THSD7B: variants seen among roughly 807,000 people sequenced by gnomAD.
The protein encoded by THSD7B is thrombospondin type 1 domain containing 7B, also known as thrombospondin type-1 domain-containing protein 7B.
A neutral mutation model predicts 213.6 loss-of-function variants in THSD7B; 138 were observed. That is an observed-to-expected ratio of 0.65 (90% CI 0.56 to 0.74). The LOEUF is 0.74. Ranked by LOEUF, THSD7B falls within the 30% of genes least tolerant of loss-of-function variation. The pLI is 0.00. For synonymous variants in THSD7B, 742 were observed against 687.0 expected, an observed-to-expected ratio of 1.08 and a Z score of -1.25; for missense variants, 1,931 against 1,991.5, an observed-to-expected ratio of 0.97 and a Z score of 0.58.
At chr2:137,215,783 T>A in intron 7 of THSD7B, among the ~76,000 whole-genome samples, 1 of 152,194 alleles carries the variant, frequency 6.6e-6, no homozygotes, top group Non-Finnish European at 1.5e-5. Context: ...GTGGAAATGT[T>A]TTTTCCAAAT....
At chr2:137,283,265 A>T (rs1036252952) in intron 12 of THSD7B, among the ~76,000 whole-genome samples, 4 of 152,198 alleles carry the variant, frequency 2.6e-5, no homozygotes, top group African/African-American at 9.6e-5. Flanking sequence ...TTGTATCCTG[A>T]GACTGCTGAA....
intron 4 of THSD7B, among the ~76,000 whole-genome samples, chr2:137,112,048 C>G (rs868699607): frequency 2.0e-5 from 3 of 151,996 alleles, no homozygotes; most frequent in Non-Finnish European, 2.9e-5. Flanking sequence ...TTTTCTGGAG[C>G]CTGGAGGACT....
intron 2 of THSD7B, among the ~76,000 whole-genome samples, chr2:136,956,868 CG>C (rs1053861782): frequency 5.3e-5 from 8 of 151,844 alleles, no homozygotes; most frequent in African/African-American, 1.9e-4. Context: ...TTAGTAGAGA[CG>C]GGGCTTGACC....
chr2:137,231,833 G>A (rs34585777), intron 8 of THSD7B, among the ~76,000 whole-genome samples: 7,004 of 152,246 alleles, frequency 0.046, 200 homozygotes, highest in Admixed American at 0.069. Context: ...TGTAATTTAT[G>A]GTGATGGTCT....
At chr2:137,380,426 C>G (rs1685747118) in intron 12 of THSD7B, among the ~76,000 whole-genome samples, 2 of 152,168 alleles carry the variant, frequency 1.3e-5, no homozygotes. Context: ...GCTGTTCCCA[C>G]TCCCTTCTCA....
intron 25 of THSD7B, among the ~76,000 whole-genome samples, chr2:137,661,129 T>C (rs1409191838): frequency 1.3e-5 from 2 of 152,154 alleles, no homozygotes; most frequent in African/African-American, 4.8e-5. Flanking sequence ...TTCATAATCT[T>C]ATGCTTATTC....
At chr2:137,279,171 T>A (rs1682938626) in intron 12 of THSD7B, among the ~76,000 whole-genome samples, 1 of 152,146 alleles carries the variant, frequency 6.6e-6, no homozygotes, top group African/African-American at 2.4e-5. Flanking sequence ...AGGAGTCAGA[T>A]AATTATTTGT....
At chr2:136,981,300 C>G (rs1685572915) in intron 2 of THSD7B, among the ~76,000 whole-genome samples, 1 of 152,136 alleles carries the variant, frequency 6.6e-6, no homozygotes, top group African/African-American at 2.4e-5. Flanking sequence ...CCACCCAGTA[C>G]AGTGTGCTGA....
At chr2:137,545,238 C>G (rs1041681204) in intron 15 of THSD7B, among the ~76,000 whole-genome samples, 2 of 151,814 alleles carry the variant, frequency 1.3e-5, no homozygotes, top group African/African-American at 4.8e-5. Context: ...ACAGTGAATT[C>G]TCTTAAAGTT....
intron 16 of THSD7B, among the ~76,000 whole-genome samples, chr2:137,570,772 T>C (rs3919758): frequency 0.25 from 37,296 of 152,044 alleles, 4,717 homozygotes; most frequent in South Asian, 0.35. Context: ...ATACTTATAG[T>C]GCTAGGGATC....
intron 1 of THSD7B, among the ~76,000 whole-genome samples, chr2:136,828,632 C>T (rs943847749): frequency 5.3e-5 from 8 of 152,218 alleles, no homozygotes; most frequent in African/African-American, 1.9e-4. Context: ...GTGCTTTTTG[C>T]ATTCTTGACA....
At chr2:137,000,992 C>T (rs1403447462) in intron 2 of THSD7B, among the ~76,000 whole-genome samples, 3 of 152,044 alleles carry the variant, frequency 2.0e-5, no homozygotes, top group Non-Finnish European at 2.9e-5. Flanking sequence ...GTTACTTATC[C>T]ACCCTCCAGG....
chr2:136,937,948 G>T (rs1684761668), intron 2 of THSD7B, among the ~76,000 whole-genome samples: 1 of 152,086 alleles, frequency 6.6e-6, no homozygotes, highest in Non-Finnish European at 1.5e-5. Flanking sequence ...ACATGAGTAG[G>T]GCTTGTATTG....
At chr2:136,960,215 C>T (rs1685192906) in intron 2 of THSD7B, among the ~76,000 whole-genome samples, 1 of 152,152 alleles carries the variant, frequency 6.6e-6, no homozygotes, top group Non-Finnish European at 1.5e-5. Context: ...GTGGCCTCCA[C>T]CTCCCAGGCT....
chr2:136,820,875 G>GA (rs1491415189), intron 1 of THSD7B, among the ~76,000 whole-genome samples: 9 of 150,300 alleles, frequency 6.0e-5, no homozygotes, highest in East Asian at 4.0e-4. Context: ...ACTTGAGAGA[G>GA]GGAGAGAGAC....
chr2:136,837,159 A>G (rs755113717), intron 1 of THSD7B, among the ~76,000 whole-genome samples: 5 of 152,172 alleles, frequency 3.3e-5, no homozygotes, highest in Non-Finnish European at 7.3e-5. Context: ...ATGAATCATC[A>G]AAAATATAAA....
At chr2:137,054,512 CCTG>C (rs1687124525) in intron 2 of THSD7B, among the ~76,000 whole-genome samples, 1 of 152,172 alleles carries the variant, frequency 6.6e-6, no homozygotes, top group African/African-American at 2.4e-5. Flanking sequence ...GTGCAGATAA[CCTG>C]CTTCTCTGGG....
rs1050624028 is a variant in THSD7B, at chr2:136,882,165, G to A, written c.-14G>A. On this transcript the variant is annotated 5_prime_UTR_variant, in exon 2 of 28. Transcript: ENST00000409968. ...TTAGGAATAGGCAAGTCAAGAGGCT[G>A]AAAAATCTGAAGCATGTTTCCAAAG... 1.3e-6 allele frequency: 2 copies of A among 1,496,194 alleles called. No homozygotes were observed. The highest frequency in any genetic ancestry group is 2.4e-5 in the Admixed American group (1 of 41,330). The allele number at this position is 1,496,194 out of a possible 1,614,324, so 92.7% of individuals were successfully genotyped here.
rs997068953 is a variant in THSD7B, at chr2:136,880,398, C to G, written c.-35-1746C>G. Among the ~76,000 whole-genome samples, 7 of 152,240 alleles carry G rather than the reference C, an allele frequency of 4.6e-5. No individual in the cohort carries two copies. The East Asian group carries it at 1.4e-3, about 29-fold the overall frequency. On this transcript the variant is annotated intron_variant, in intron 1 of 27. Transcript: ENST00000409968. ...TTTTACTGTTCAATCTTTTTACTCT[C>G]CAGTACCTATATCTTTTTATTTTTC...
Sources: allele counts gnomAD v4.1 joint callset (sites outside exome capture counted in the v4.1 genomes callset), GRCh38; gene constraint gnomAD v4.1.1; transcripts MANE v1.5; gene names NCBI Gene and HGNC (gene_info 2026-07-23, HGNC 2026-07-21).